Variants in TCF20 observed in about 807,000 individuals in gnomAD.
TCF20 encodes transcription factor 20.
In TCF20, 3 loss-of-function variants were observed where a neutral mutation model predicts 148.6. The observed-to-expected ratio is 0.02, with a 90% confidence interval of 0.01 to 0.05. The LOEUF is 0.05. Among genes scored for constraint, TCF20 ranks in the 10% least tolerant of loss-of-function variants. The pLI, the probability that TCF20 is intolerant of heterozygous loss-of-function variation, is 1.00. For missense variants in TCF20, 2,350 were observed against 2,429.3 expected (o/e 0.97, Z 0.69); for synonymous variants, 1,049 against 909.5 (o/e 1.15, Z -2.76).
Position 42,160,166 on chromosome 22 carries a change from A to AT in TCF20, c.*1236dup, listed in dbSNP as rs898329225. 1 of 152,516 alleles carries AT rather than the reference A, an allele frequency of 6.6e-6. No homozygotes were observed. Among genetic ancestry groups the AT allele is most frequent in the African/African-American group, 2.4e-5 (1 of 41,406 alleles). 9.4% of individuals were successfully genotyped at this position (152,516 alleles called of 1,614,324 possible). On this transcript the variant is annotated 3_prime_UTR_variant, in exon 6 of 6. Transcript: ENST00000677622. ...AACCCCTTCTTAAGGCCATAACAAG[A>AT]TTTTTTTGTACTTTTTTCTTTTTTT...
chr22:42,197,279 T>C (rs554441306), intron 2 of TCF20, among the ~76,000 whole-genome samples: 1 of 152,096 alleles, frequency 6.6e-6, no homozygotes, highest in East Asian at 1.9e-4. Flanking sequence ...GTTAGTTTTA[T>C]CCTTTACAGT....
At chr22:42,176,173 G>A (rs1404275714) in intron 3 of TCF20, among the ~76,000 whole-genome samples, 1 of 152,130 alleles carries the variant, frequency 6.6e-6, no homozygotes, top group Non-Finnish European at 1.5e-5. Flanking sequence ...CCACATGTAC[G>A]TGTGAATACA....
intron 1 of TCF20, among the ~76,000 whole-genome samples, chr22:42,291,282 G>A (rs1044146379): frequency 1.3e-4 from 20 of 152,202 alleles, no homozygotes; most frequent in Admixed American, 7.9e-4. Flanking sequence ...ACCAATGACC[G>A]CGGTCCAGCC....
chr22:42,181,188 C>T (rs1281833295), intron 2 of TCF20, among the ~76,000 whole-genome samples: 2 of 152,220 alleles, frequency 1.3e-5, no homozygotes, highest in East Asian at 1.9e-4. Context: ...TGTCTGCTGC[C>T]ACTTTCTTTT....
intron 5 of TCF20, among the ~76,000 whole-genome samples, chr22:42,167,180 A>C (rs530133400): frequency 1.1e-4 from 17 of 152,242 alleles, no homozygotes; most frequent in African/African-American, 4.1e-4. Flanking sequence ...TGATCCCTTC[A>C]CTGCCAGCCC....
chr22:42,256,410 C>T (rs1412720467), intron 1 of TCF20, among the ~76,000 whole-genome samples: 1 of 151,020 alleles, frequency 6.6e-6, no homozygotes, highest in East Asian at 1.9e-4. Flanking sequence ...CTTCATTTGG[C>T]CTGTGTCCCT....
At chr22:42,239,041 G>A (rs576150524) in intron 1 of TCF20, among the ~76,000 whole-genome samples, 9 of 151,104 alleles carry the variant, frequency 6.0e-5, no homozygotes, top group Admixed American at 1.3e-4. Flanking sequence ...TGGCGTGAAC[G>A]CGGCAGGCAG....
At chr22:42,239,499 A>C (rs1337910927) in intron 1 of TCF20, among the ~76,000 whole-genome samples, 1 of 151,572 alleles carries the variant, frequency 6.6e-6, no homozygotes, top group Non-Finnish European at 1.5e-5. Flanking sequence ...AAAGTTTAAA[A>C]TATTCAGGCC....
rs559932038 is a variant in TCF20, at chr22:42,225,109, C to T, written c.-36-9768G>A. 3.4e-3 allele frequency among the ~76,000 whole-genome samples: 518 copies of T among 151,060 alleles called. 6 individuals carry two copies. The highest frequency in any genetic ancestry group is 0.012 in the African/African-American group (499 of 41,036). On this transcript the variant is annotated intron_variant, in intron 1 of 5. Coordinates refer to ENST00000677622, the MANE Select transcript of TCF20 (RefSeq NM_001378418.1). ...CTCCCAGGTTCAAGCAATTCTCCTG[C>T]CTCAGCCTCCCAAGTAGCTGAGATT... is the stretch of plus-strand genomic sequence containing the variant.
intron 1 of TCF20, among the ~76,000 whole-genome samples, chr22:42,221,739 G>GTTTTTTGTTTTTTTTTTT (rs534858078): frequency 1.1e-5 from 1 of 92,820 alleles, no homozygotes; most frequent in African/African-American, 5.1e-5. Context: ...ATGGCAAAGG[G>GTTTTTTGTTTTTTTTTTT]TTTTTTTTTT....
Position 42,235,687 on chromosome 22 carries a change from T to C in TCF20, c.-36-20346A>G, listed in dbSNP as rs1348181363. 2.0e-5 allele frequency among the ~76,000 whole-genome samples: 3 copies of C among 152,212 alleles called. No individual in the cohort carries two copies. The East Asian group carries it at 5.8e-4, about 29-fold the overall frequency. On this transcript the variant is annotated intron_variant, in intron 1 of 5. Transcript: ENST00000677622. ...ATTAAGAAATCTAAATACTTCCTAG[T>C]CTTGCCACTTGTTCTGTGACTTGGG...
chr22:42,197,759 A>G (rs1336862190), intron 2 of TCF20, among the ~76,000 whole-genome samples: 1 of 152,272 alleles, frequency 6.6e-6, no homozygotes, highest in East Asian at 1.9e-4. Context: ...AATTGAGAAT[A>G]ATAAAATTCC....
intron 1 of TCF20, among the ~76,000 whole-genome samples, chr22:42,225,992 A>T (rs1255623362): frequency 6.6e-6 from 1 of 152,226 alleles, no homozygotes; most frequent in Non-Finnish European, 1.5e-5. Flanking sequence ...CAAGCATCCT[A>T]TATCCACCAC....
At chr22:42,201,841 A>G (rs1301702308) in intron 2 of TCF20, among the ~76,000 whole-genome samples, 1 of 152,138 alleles carries the variant, frequency 6.6e-6, no homozygotes, top group African/African-American at 2.4e-5. Flanking sequence ...GCTTTAGATA[A>G]TCGCTATCAA....
intron 1 of TCF20, among the ~76,000 whole-genome samples, chr22:42,218,860 C>A (rs1460957886): frequency 2.0e-5 from 3 of 151,944 alleles, no homozygotes; most frequent in East Asian, 3.9e-4. Context: ...CTGTATGATA[C>A]CCCTTTCCCT....
At chr22:42,275,655 C>T (rs1028762178) in intron 1 of TCF20, among the ~76,000 whole-genome samples, 21 of 152,220 alleles carry the variant, frequency 1.4e-4, no homozygotes, top group African/African-American at 4.6e-4. Context: ...ACCCATGAGG[C>T]AGGGATTGTC....
chr22:42,178,524 A>G (rs973256165), intron 3 of TCF20, among the ~76,000 whole-genome samples: 4 of 152,124 alleles, frequency 2.6e-5, no homozygotes, highest in African/African-American at 9.7e-5. Flanking sequence ...GAAAGTAAAA[A>G]GACAACTCAG....
At chr22:42,265,259 A>T (rs1193204318) in intron 1 of TCF20, among the ~76,000 whole-genome samples, 1 of 152,212 alleles carries the variant, frequency 6.6e-6, no homozygotes, top group Non-Finnish European at 1.5e-5. Flanking sequence ...GTGCAATGTG[A>T]CCAAATTATG....
At chr22:42,265,753 C>T (rs1027130251) in intron 1 of TCF20, among the ~76,000 whole-genome samples, 5 of 152,156 alleles carry the variant, frequency 3.3e-5, no homozygotes, top group African/African-American at 9.7e-5. Context: ...TTGAGTCCCA[C>T]CCAGTCGAAC....
Sources: allele counts gnomAD v4.1 joint callset (sites outside exome capture counted in the v4.1 genomes callset), GRCh38; gene constraint gnomAD v4.1.1; transcripts MANE v1.5; gene names NCBI Gene and HGNC (gene_info 2026-07-23, HGNC 2026-07-21).